The following LAMC3 variants were observed in gnomAD, a reference collection of about 807,000 sequenced individuals.
The protein encoded by LAMC3 is laminin subunit gamma 3, also known as laminin subunit gamma-3.
In LAMC3, 128 loss-of-function variants were observed where a neutral mutation model predicts 173.8. The observed-to-expected ratio is 0.74, with a 90% CI of 0.64 to 0.85. The LOEUF is 0.85. LAMC3 is among the 40% of genes least tolerant of loss of function. LAMC3 has a pLI of 0.00. For synonymous variants in LAMC3, 897 were observed against 909.1 expected (o/e 0.99, Z 0.24); for missense variants, 2,022 against 2,156.0 (o/e 0.94, Z 1.23).
intron 24 of LAMC3, among the ~76,000 whole-genome samples, chr9:131,082,910 C>T (rs1189714384): frequency 6.6e-6 from 1 of 152,186 alleles, no homozygotes; most frequent in Non-Finnish European, 1.5e-5. Context: ...AGAGATGGAG[C>T]GCTAGCTGTG....
rs192725589 is a variant in LAMC3, at chr9:131,031,126, C to T, written c.679-919C>T. Among the ~76,000 whole-genome samples the T allele has an allele frequency of 3.3e-5, 5 of 152,358 alleles. No individual in the cohort carries two copies. In the East Asian group the frequency reaches 7.7e-4, roughly 24 times the overall value. On this transcript the variant is annotated intron_variant, in intron 2 of 27. Transcript: ENST00000361069. Reference sequence around the variant, plus strand: ...AGCTCTCGGGGAGCAGGAGGGCCGTCGGCCTGAGTCACGCTGGGGCAAAAA... The same window carrying T: ...AGCTCTCGGGGAGCAGGAGGGCCGTTGGCCTGAGTCACGCTGGGGCAAAAA...
intron 8 of LAMC3, among the ~76,000 whole-genome samples, chr9:131,048,654 T>C (rs1834222902): frequency 1.3e-5 from 2 of 152,140 alleles, no homozygotes; most frequent in Non-Finnish European, 2.9e-5. Context: ...CCAGGTGGCC[T>C]CCTTGCCTGA....
chr9:131,020,165 A>C (rs936846547), intron 1 of LAMC3, among the ~76,000 whole-genome samples: 1 of 152,174 alleles, frequency 6.6e-6, no homozygotes, highest in Non-Finnish European at 1.5e-5. Context: ...CTGGGAATGC[A>C]TGGGTGAGGC....
At position 131,068,112 on chromosome 9, in the gene LAMC3, G is replaced by T; in HGVS notation, c.2628G>T (p.Glu876Asp). The change falls in exon 15 of 28, where the codon GAG becomes GAT. Residue 876 changes from glutamate (E) to aspartate (D), a missense_variant. By Grantham distance (45) the Glu-to-Asp change is conservative. Coordinates refer to ENST00000361069, the MANE Select transcript of LAMC3 (RefSeq NM_006059.4). ...CSCHPQGSVSEQMPCDPVTGQ... is the reference protein window; with the variant it reads ...CSCHPQGSVSDQMPCDPVTGQ... ...GTCACCCACAGGGCTCGGTCAGTGA[G>T]CAGATGCCCTGCGACCCAGTGACAG... The T allele has an allele frequency of 6.2e-7, 1 of 1,612,706 alleles. No homozygotes were observed.
intron 3 of LAMC3, among the ~76,000 whole-genome samples, chr9:131,035,406 C>T (rs1437730268): frequency 1.3e-5 from 2 of 152,044 alleles, no homozygotes; most frequent in African/African-American, 4.8e-5. Context: ...ATGGCCAGAG[C>T]AGGAGCAAGA....
At chr9:131,046,608 G>A (rs4642699) in intron 8 of LAMC3, among the ~76,000 whole-genome samples, 2 of 123,386 alleles carry the variant, frequency 1.6e-5, no homozygotes, top group African/African-American at 3.1e-5. Flanking sequence ...AGGCAATCCC[G>A]CCCACCTCGG....
chr9:131,047,315 C>T (rs1191286146), intron 8 of LAMC3, among the ~76,000 whole-genome samples: 1 of 151,032 alleles, frequency 6.6e-6, no homozygotes, highest in Non-Finnish European at 1.5e-5. Context: ...CAGGCACCCA[C>T]CACCACGCCC....
intron 1 of LAMC3, among the ~76,000 whole-genome samples, chr9:131,022,969 G>A (rs2133220854): frequency 6.6e-6 from 1 of 151,990 alleles, no homozygotes; most frequent in Non-Finnish European, 1.5e-5. Context: ...ACAACCACCT[G>A]TCTCCTTCCT....
chr9:131,043,651 A>G (rs1834096452), intron 7 of LAMC3, among the ~76,000 whole-genome samples: 1 of 152,236 alleles, frequency 6.6e-6, no homozygotes, highest in South Asian at 2.1e-4. Context: ...GAATACATAA[A>G]TAGATGGGCA....
chr9:131,039,634 A>G (rs1431478335), intron 6 of LAMC3, among the ~76,000 whole-genome samples: 1 of 151,942 alleles, frequency 6.6e-6, no homozygotes, highest in Non-Finnish European at 1.5e-5. Context: ...AGGCTACAGC[A>G]GGAACGCCTG....
Position 131,079,274 on chromosome 9 carries a change from A to G in LAMC3, c.3903A>G (p.Leu1301=), listed in dbSNP as rs1830192700. 1.2e-6 allele frequency: 2 copies of G among 1,614,194 alleles called. No individual in the cohort carries two copies. Among genetic ancestry groups the G allele is most frequent in the Non-Finnish European group, 1.7e-6 (2 of 1,180,028 alleles). ...TCCAGACTGCTGCCCAGGCGACGCT[A>G]CGGCAAACAGAACCCCTCACAAAGG... ...RTLQTAAQAT[L]RQTEPLTKLH... Residue 1301 remains leucine (L), a synonymous_variant, in exon 23 of 28, where the codon CTA becomes CTG. Coordinates refer to ENST00000361069, the MANE Select transcript of LAMC3 (RefSeq NM_006059.4).
intron 6 of LAMC3, among the ~76,000 whole-genome samples, chr9:131,039,588 T>G (rs1834009754): frequency 6.7e-6 from 1 of 148,544 alleles, no homozygotes; most frequent in African/African-American, 2.6e-5. Flanking sequence ...CGTGGATCAG[T>G]GAGAAGCAGG....
At chr9:131,068,773 GCCATGCA>G in intron 15 of LAMC3, 128 bp from the exon 16 acceptor site, 1 of 851,688 alleles carries the variant, frequency 1.2e-6, no homozygotes, top group East Asian at 2.6e-5. Flanking sequence ...GGGAAGCTGT[GCCATGCA>G]CCGAGAGGAG....
chr9:131,038,746 C>T (rs1833988016), intron 4 of LAMC3, 118 bp from the exon 5 acceptor site: 5 of 1,046,604 alleles, frequency 4.8e-6, no homozygotes, highest in East Asian at 4.7e-5. Context: ...CTGGACCATG[C>T]TCTTGCCCTT....
rs142915387 is a variant in LAMC3, at chr9:131,052,940, C to T, written c.1914C>T (p.Arg638=). The change falls in exon 11 of 28, where the codon CGC becomes CGT. Residue 638 remains arginine (R), a synonymous_variant. Transcript: ENST00000361069. ...LLANLTSLRL[R]VSPGPSPAGP... Reference sequence around the variant, plus strand: ...CCAACCTGACCAGCCTCCGCCTCCGCGTCAGTCCCGGCCCCAGCCCTGCCG... The same window carrying T: ...CCAACCTGACCAGCCTCCGCCTCCGTGTCAGTCCCGGCCCCAGCCCTGCCG... 22 of 1,613,376 alleles carry T rather than the reference C, an allele frequency of 1.4e-5. No individual in the cohort carries two copies. Among genetic ancestry groups the T allele is most frequent in the East Asian group, 4.5e-5 (2 of 44,892 alleles).
intron 3 of LAMC3, among the ~76,000 whole-genome samples, chr9:131,035,652 T>C (rs1564369695): frequency 6.6e-6 from 1 of 152,154 alleles, no homozygotes; most frequent in Non-Finnish European, 1.5e-5. Flanking sequence ...CATGGGGGAT[T>C]TGGAGTGACT....
In LAMC3 at chr9:131,072,627, T is replaced by C. The variant is rs199876434; in HGVS notation, c.3212-3T>C. On this transcript the variant is annotated splice_polypyrimidine_tract_variant and splice_region_variant and intron_variant, in intron 18 of 27. Transcript: ENST00000361069. ...TGACCCCTGGGCTGTGGGCTTCCCATAGGGGCTCGGGAAGCCTTCCTGGAG... is the reference window on the plus strand; with the variant it reads ...TGACCCCTGGGCTGTGGGCTTCCCACAGGGGCTCGGGAAGCCTTCCTGGAG... The C allele has an allele frequency of 1.7e-4, 272 of 1,607,594 alleles. 1 individual carries two copies. The highest frequency in any genetic ancestry group is 2.0e-4 in the South Asian group (18 of 89,950).
chr9:131,033,726 C>T (rs1833890822), intron 3 of LAMC3, among the ~76,000 whole-genome samples: 2 of 152,052 alleles, frequency 1.3e-5, no homozygotes, highest in African/African-American at 4.8e-5. Context: ...CAGCTTGGAC[C>T]AGAGGGCTGG....
chr9:131,012,789 G>T (rs749172141), intron 1 of LAMC3, among the ~76,000 whole-genome samples: 43 of 152,260 alleles, frequency 2.8e-4, no homozygotes, highest in Non-Finnish European at 4.0e-4. Context: ...TGGGAAGGGA[G>T]AGTGGGCGGC....
Sources: allele counts gnomAD v4.1 joint callset (sites outside exome capture counted in the v4.1 genomes callset), GRCh38; gene constraint gnomAD v4.1.1; transcripts MANE v1.5; gene names NCBI Gene and HGNC (gene_info 2026-07-23, HGNC 2026-07-21).